The following NTN1 variants were observed in gnomAD, a reference collection of about 807,000 sequenced individuals.
NTN1 encodes netrin-1.
NTN1 carries 11 observed loss-of-function variants against 54.2 expected under a neutral mutation model. That is an observed-to-expected ratio of 0.20 (90% CI 0.13 to 0.34). NTN1 has a LOEUF of 0.34. Ranked by LOEUF, NTN1 falls within the 10% of genes least tolerant of loss-of-function variation. The pLI is 1.00. For synonymous variants in NTN1, 371 were observed against 382.0 expected (o/e 0.97, Z 0.33); for missense variants, 740 against 893.1 (o/e 0.83, Z 2.18).
In NTN1 at chr17:9,106,874, CAT is replaced by C. The variant is rs2092169189; in HGVS notation, c.1019-55938_1019-55937del. On this transcript the variant is annotated intron_variant, in intron 2 of 6. Transcript: ENST00000173229. The stretch of plus-strand genomic sequence containing the variant: ...TCGCCGTCACCATCATCATCATCAT[CAT>C]CACAGCACAGATCCTTTATTTTGCA... Among the ~76,000 whole-genome samples the C allele has an allele frequency of 3.8e-4, 58 of 152,248 alleles. 2 individuals carry two copies. The South Asian group carries it at 0.012, about 31-fold the overall frequency.
At chr17:9,131,867 G>A (rs1021854598) in intron 2 of NTN1, among the ~76,000 whole-genome samples, 2 of 151,928 alleles carry the variant, frequency 1.3e-5, no homozygotes, top group African/African-American at 4.8e-5. Context: ...GCAGTAGCAT[G>A]ATCTCGACTC....
chr17:9,184,492 C>T (rs1194012658), intron 5 of NTN1, among the ~76,000 whole-genome samples: 1 of 152,170 alleles, frequency 6.6e-6, no homozygotes, highest in Non-Finnish European at 1.5e-5. Flanking sequence ...AATGAAACTT[C>T]GATTCTTGCT....
chr17:9,147,199 G>C (rs77290713), intron 2 of NTN1, among the ~76,000 whole-genome samples: 2,170 of 152,314 alleles, frequency 0.014, 25 homozygotes, highest in Non-Finnish European at 0.02. Context: ...TAAGGACTCA[G>C]GGTCATTTGC....
chr17:9,005,241 G>C, the NTN1 span, among the ~76,000 whole-genome samples: 1 of 152,114 alleles, frequency 6.6e-6, no homozygotes, highest in Non-Finnish European at 1.5e-5. Flanking sequence ...TTGAAATCAC[G>C]CTTTCTAAGA....
intron 2 of NTN1, among the ~76,000 whole-genome samples, chr17:9,104,039 A>C (rs2092158230): frequency 7.1e-6 from 1 of 141,456 alleles, no homozygotes; most frequent in South Asian, 2.4e-4. Flanking sequence ...CAGTGAGCTA[A>C]GATGGTGCCA....
In NTN1 at chr17:9,084,844, G is replaced by T. The variant is rs536804165; in HGVS notation, c.1018+61453G>T. 2.6e-5 allele frequency among the ~76,000 whole-genome samples: 4 copies of T among 151,888 alleles called. No homozygotes were observed. In the East Asian group the frequency reaches 7.8e-4, roughly 29 times the overall value. ...TTTTTTGTATTTTTAGTAGAGATGG[G>T]GTTTCACTGTGTTAGCCAGGATGGT... On this transcript the variant is annotated intron_variant, in intron 2 of 6. Coordinates refer to ENST00000173229, the MANE Select transcript of NTN1 (RefSeq NM_004822.3).
chr17:9,084,183 C>T (rs1348354368), intron 2 of NTN1, among the ~76,000 whole-genome samples: 1 of 152,212 alleles, frequency 6.6e-6, no homozygotes, highest in Non-Finnish European at 1.5e-5. Flanking sequence ...TCTAAGCTCA[C>T]TGCAAGCTCC....
At chr17:9,040,966 G>A (rs1410018497) in intron 2 of NTN1, among the ~76,000 whole-genome samples, 2 of 151,984 alleles carry the variant, frequency 1.3e-5, no homozygotes, top group Non-Finnish European at 2.9e-5. Flanking sequence ...TGTGCACCAT[G>A]CCCAGCTAAT....
In NTN1 at chr17:9,205,023, C is replaced by T. The variant is rs148689103; in HGVS notation, c.1412-16145C>T. Among the ~76,000 whole-genome samples, 409 of 152,058 alleles carry T rather than the reference C, an allele frequency of 2.7e-3. 2 individuals are homozygous for T. Among genetic ancestry groups the T allele is most frequent in the African/African-American group, 9.1e-3 (377 of 41,440 alleles). The stretch of plus-strand genomic sequence containing the variant: ...CTTTCTTCTTTTCTTTCTCTTCTTC[C>T]CTGCCTGGGCTTTCATTACCATTAA... On this transcript the variant is annotated intron_variant, in intron 5 of 6. Transcript: ENST00000173229.
intron 2 of NTN1, among the ~76,000 whole-genome samples, chr17:9,117,292 C>T (rs1441018315): frequency 6.6e-6 from 1 of 152,158 alleles, no homozygotes; most frequent in Non-Finnish European, 1.5e-5. Flanking sequence ...GGGAGGATGG[C>T]AGAGGACACT....
chr17:9,157,295 C>T (rs893189997), intron 2 of NTN1, among the ~76,000 whole-genome samples: 1 of 152,220 alleles, frequency 6.6e-6, no homozygotes, highest in Non-Finnish European at 1.5e-5. Context: ...CATTGTCCAT[C>T]TGTGTATCTC....
chr17:9,155,951 G>C (rs917274169), intron 2 of NTN1, among the ~76,000 whole-genome samples: 1 of 152,178 alleles, frequency 6.6e-6, no homozygotes, highest in African/African-American at 2.4e-5. Flanking sequence ...ATTGCCACCG[G>C]TTGAGAACAC....
chr17:9,163,698 G>A (rs1054985156), intron 3 of NTN1, among the ~76,000 whole-genome samples: 4 of 152,062 alleles, frequency 2.6e-5, no homozygotes, highest in Non-Finnish European at 4.4e-5. Flanking sequence ...TGTTTTTCTC[G>A]TACCAACAAA....
At chr17:9,192,143 G>A (rs1237971457) in intron 5 of NTN1, among the ~76,000 whole-genome samples, 1 of 152,176 alleles carries the variant, frequency 6.6e-6, no homozygotes, top group African/African-American at 2.4e-5. Flanking sequence ...TGTATCAAAA[G>A]GTATCCATGA....
intron 2 of NTN1, among the ~76,000 whole-genome samples, chr17:9,140,525 G>T (rs1014136785): frequency 3.3e-5 from 5 of 152,334 alleles, no homozygotes; most frequent in African/African-American, 1.2e-4. Context: ...GTGTGTGCAG[G>T]TGTGGGTCAG....
chr17:9,092,900 G>A (rs1268157150), intron 2 of NTN1, among the ~76,000 whole-genome samples: 14 of 152,134 alleles, frequency 9.2e-5, no homozygotes, highest in South Asian at 8.3e-4. Context: ...CTGGGACTAC[G>A]GGTGCCCACC....
chr17:9,029,716 G>A (rs975951681), intron 2 of NTN1, among the ~76,000 whole-genome samples: 2 of 152,162 alleles, frequency 1.3e-5, no homozygotes, highest in South Asian at 2.1e-4. Context: ...ATCATTGGCC[G>A]GGCGCGGTGG....
intron 6 of NTN1, among the ~76,000 whole-genome samples, chr17:9,230,836 G>C (rs1204136560): frequency 3.3e-5 from 5 of 152,158 alleles, no homozygotes; most frequent in Non-Finnish European, 7.3e-5. Flanking sequence ...CTCTCCCGAT[G>C]CTGTTTTCCT....
chr17:9,204,272 C>CTCTCTTTCTCTA (rs779571392), intron 5 of NTN1, among the ~76,000 whole-genome samples: 37 of 141,956 alleles, frequency 2.6e-4, no homozygotes, highest in Non-Finnish European at 1.5e-4. Context: ...CTCCTTCTCT[C>CTCTCTTTCTCTA]TCTCTTTCTC....
Sources: gnomAD v4.1 joint callset for allele counts (sites outside exome capture counted in the v4.1 genomes callset) on GRCh38, gnomAD v4.1.1 for gene constraint, MANE v1.5 for transcripts, NCBI Gene and HGNC (gene_info 2026-07-23, HGNC 2026-07-21) for gene names.